Variants in CNBD1 observed in about 807,000 individuals in gnomAD.
CNBD1 encodes the protein cyclic nucleotide binding domain containing 1.
Under a neutral mutation model 54.4 loss-of-function variants are expected in CNBD1, and 71 were observed. The ratio of observed to expected loss-of-function variants is 1.30; its 90% CI spans 1.08 to 1.59. CNBD1 has a LOEUF of 1.59. CNBD1 is among the 40% of genes most tolerant of loss of function. CNBD1 has a pLI of 0.00. For missense variants in CNBD1, 659 were observed against 518.0 expected (o/e 1.27, Z -2.64); for synonymous variants, 182 against 170.7 (o/e 1.07, Z -0.51).
At chr8:87,351,574 CTTACTA>C in intron 8 of CNBD1, 105 bp from the exon 9 acceptor site, 1 of 1,014,132 alleles carries the variant, frequency 9.9e-7, no homozygotes, top group Non-Finnish European at 1.3e-6. Context: ...TATTAAGAAA[CTTACTA>C]TTAATAGTTA....
At chr8:87,328,194 C>A (rs1046058058) in intron 8 of CNBD1, among the ~76,000 whole-genome samples, 1 of 151,798 alleles carries the variant, frequency 6.6e-6, no homozygotes, top group African/African-American at 2.4e-5. Context: ...GTCCATTGTT[C>A]GATATCCAGT....
At chr8:87,004,215 C>T (rs1423738607) in intron 4 of CNBD1, among the ~76,000 whole-genome samples, 1 of 152,112 alleles carries the variant, frequency 6.6e-6, no homozygotes, top group Non-Finnish European at 1.5e-5. Context: ...AGCATCTGCT[C>T]AGCTTCTGGG....
chr8:86,911,932 A>G (rs1809106419), intron 3 of CNBD1, among the ~76,000 whole-genome samples: 1 of 152,170 alleles, frequency 6.6e-6, no homozygotes, highest in Admixed American at 6.5e-5. Flanking sequence ...CTACTAGGAA[A>G]ACTATAAATT....
At chr8:87,410,008 G>A (rs1355697714) in intron 2 of CNBD1, among the ~76,000 whole-genome samples, 1 of 151,488 alleles carries the variant, frequency 6.6e-6, no homozygotes, top group East Asian at 1.9e-4. Flanking sequence ...GGGTGACAGA[G>A]CGAGACTCTG....
chr8:86,964,616 C>T (rs75178647), intron 4 of CNBD1, among the ~76,000 whole-genome samples: 56 of 152,258 alleles, frequency 3.7e-4, no homozygotes, highest in East Asian at 1.2e-3. Context: ...AAAGGGGACC[C>T]GAATCTAAAT....
chr8:87,287,527 G>A (rs1808720946), intron 8 of CNBD1, among the ~76,000 whole-genome samples: 1 of 152,072 alleles, frequency 6.6e-6, no homozygotes, highest in Non-Finnish European at 1.5e-5. Flanking sequence ...TTATAGTGAG[G>A]GACATTTTTA....
intron 2 of CNBD1, among the ~76,000 whole-genome samples, chr8:86,899,683 C>A (rs150236775): frequency 4.9e-4 from 75 of 152,138 alleles, no homozygotes; most frequent in Non-Finnish European, 9.7e-4. Flanking sequence ...TGCTGGCTTG[C>A]GCTTATGGCA....
chr8:87,181,345 A>G (rs1813307055), intron 4 of CNBD1, among the ~76,000 whole-genome samples: 1 of 152,238 alleles, frequency 6.6e-6, no homozygotes, highest in Non-Finnish European at 1.5e-5. Context: ...ATATACAAAT[A>G]ACAGCTCCAT....
At chr8:87,179,784 A>G (rs1813273777) in intron 4 of CNBD1, among the ~76,000 whole-genome samples, 1 of 152,216 alleles carries the variant, frequency 6.6e-6, no homozygotes, top group Non-Finnish European at 1.5e-5. Flanking sequence ...TACATACAAG[A>G]TAATCAGTAA....
At chr8:87,058,821 T>C (rs1173159216) in intron 4 of CNBD1, among the ~76,000 whole-genome samples, 1 of 152,182 alleles carries the variant, frequency 6.6e-6, no homozygotes, top group Admixed American at 6.5e-5. Context: ...CCTGCAAACA[T>C]TTTCCCTATT....
At chr8:87,310,997 C>T (rs942777069) in intron 8 of CNBD1, among the ~76,000 whole-genome samples, 3 of 152,040 alleles carry the variant, frequency 2.0e-5, no homozygotes, top group Admixed American at 6.6e-5. Flanking sequence ...TATAAGAACC[C>T]TAGGAGAAAA....
rs1251395613 is a variant in CNBD1, at chr8:87,085,960, C to T, written c.432-120033C>T. ...CCACCTACATGCTTTTACCCTTGGG[C>T]TTAAGCTTTTGTTTCATAATAGGGA... On this transcript the variant is annotated intron_variant, in intron 4 of 10. Coordinates refer to ENST00000518476, the MANE Select transcript of CNBD1 (RefSeq NM_173538.3). Among the ~76,000 whole-genome samples, 5 of 152,116 alleles carry T rather than the reference C, an allele frequency of 3.3e-5. No homozygotes were observed. In the East Asian group the frequency reaches 5.8e-4, roughly 18 times the overall value.
intron 8 of CNBD1, 67 bp downstream of exon 8, chr8:87,286,738 A>C (rs1326643392): frequency 2.9e-6 from 3 of 1,048,592 alleles, no homozygotes; most frequent in Non-Finnish European, 4.2e-6. Flanking sequence ...GAAATTCTTC[A>C]TAGTTGTAAT....
At chr8:87,267,892 T>G (rs896861300) in intron 6 of CNBD1, among the ~76,000 whole-genome samples, 1 of 152,160 alleles carries the variant, frequency 6.6e-6, no homozygotes, top group Non-Finnish European at 1.5e-5. Flanking sequence ...ATTCAAAGTG[T>G]TTATTTTAAC....
chr8:86,945,292 A>G (rs1305669369), intron 4 of CNBD1, among the ~76,000 whole-genome samples: 2 of 152,148 alleles, frequency 1.3e-5, no homozygotes, highest in East Asian at 1.9e-4. Context: ...ACTTTCTCCA[A>G]TTAACGATGT....
chr8:87,237,127 T>G lies in CNBD1; in HGVS notation c.771+15T>G. The G allele has an allele frequency of 1.9e-6, 3 of 1,540,462 alleles. No homozygotes were observed. The highest frequency in any genetic ancestry group is 2.6e-6 in the Non-Finnish European group (3 of 1,133,156). On this transcript the variant is annotated intron_variant, in intron 6 of 10. Transcript: ENST00000518476. ...ATGACTCAATGGTAAGAGATGAGTA[T>G]TTGCTTTTTCCACAAGCAACAAGGT...
intron 8 of CNBD1, among the ~76,000 whole-genome samples, chr8:87,335,230 C>T (rs768521778): frequency 3.3e-5 from 5 of 152,122 alleles, no homozygotes; most frequent in Non-Finnish European, 7.4e-5. Flanking sequence ...CCACTTGATA[C>T]AGAGCTGAGT....
At position 87,206,107 on chromosome 8, in the gene CNBD1, C is replaced by T; in HGVS notation, c.546C>T (p.Val182=). The T allele has an allele frequency of 6.3e-7, 1 of 1,588,942 alleles. No homozygotes were observed. Among genetic ancestry groups the T allele is most frequent in the Non-Finnish European group, 8.6e-7 (1 of 1,169,380 alleles). ...ATCTGAAAACACTTAGTAAGACTGT[C>T]TTTTCCGAAACCTGGTTGAAAGGCA... ...DKHLKTLSKT[V]FSETWLKGST... Residue 182 remains valine (V), a synonymous_variant, in exon 5 of 11, where the codon GTC becomes GTT. Transcript: ENST00000518476.
At chr8:87,146,658 A>G (rs1373124508) in intron 4 of CNBD1, among the ~76,000 whole-genome samples, 1 of 152,044 alleles carries the variant, frequency 6.6e-6, no homozygotes. Flanking sequence ...GGAATTTTCC[A>G]TGGTTCCTCT....
Sources: allele counts gnomAD v4.1 joint callset (sites outside exome capture counted in the v4.1 genomes callset), GRCh38; gene constraint gnomAD v4.1.1; transcripts MANE v1.5; gene names NCBI Gene and HGNC (gene_info 2026-07-23, HGNC 2026-07-21).